RBFOX1: variants seen among roughly 807,000 people sequenced by gnomAD.
RBFOX1 encodes RNA binding protein fox-1 homolog 1.
RBFOX1 carries 8 observed loss-of-function variants against 57.7 expected under a neutral mutation model. The ratio of observed to expected loss-of-function variants is 0.14; its 90% confidence interval spans 0.08 to 0.25. RBFOX1 has a LOEUF of 0.25. RBFOX1 is among the 10% of genes least tolerant of loss of function. The probability of loss-of-function intolerance (pLI) is 1.00; values close to 1 mark genes in which losing one functional copy is unlikely to be tolerated. For synonymous variants in RBFOX1, 326 were observed against 222.4 expected (o/e 1.47, Z -4.15); for missense variants, 611 against 548.5 (o/e 1.11, Z -1.14).
At chr16:7,042,649 G>C (rs2046550081) in intron 3 of RBFOX1, among the ~76,000 whole-genome samples, 1 of 152,244 alleles carries the variant, frequency 6.6e-6, no homozygotes, top group African/African-American at 2.4e-5. Flanking sequence ...ATTAAGGCCA[G>C]GTGCAGTGGC....
intron 3 of RBFOX1, among the ~76,000 whole-genome samples, chr16:5,837,237 G>C (rs944512084): frequency 6.7e-6 from 1 of 149,692 alleles, no homozygotes; most frequent in Non-Finnish European, 1.5e-5. Context: ...TTCCAGTCCC[G>C]CTAGACTTTT....
At chr16:7,173,002 C>G (rs1194279034) in intron 4 of RBFOX1, among the ~76,000 whole-genome samples, 1 of 152,146 alleles carries the variant, frequency 6.6e-6, no homozygotes, top group Non-Finnish European at 1.5e-5. Context: ...CAAAGAAAAA[C>G]TACCACGTGT....
At chr16:7,588,660 G>A (rs571485483) in intron 7 of RBFOX1, among the ~76,000 whole-genome samples, 10 of 152,270 alleles carry the variant, frequency 6.6e-5, no homozygotes, top group Admixed American at 4.6e-4. Flanking sequence ...GAGGCAAGTC[G>A]GTATCACGGA....
chr16:6,036,166 G>C (rs2095362706), intron 1 of RBFOX1, among the ~76,000 whole-genome samples: 1 of 152,164 alleles, frequency 6.6e-6, no homozygotes, highest in African/African-American at 2.4e-5. Context: ...CCTCAGCAAA[G>C]AACATTGAGA....
intron 1 of RBFOX1, among the ~76,000 whole-genome samples, chr16:5,450,147 A>G (rs1241822918): frequency 2.0e-5 from 3 of 152,134 alleles, no homozygotes; most frequent in African/African-American, 7.2e-5. Context: ...GGCATGCCCA[A>G]AGTCTCTCTC....
chr16:7,483,062 C>T (rs2064421832), intron 4 of RBFOX1, among the ~76,000 whole-genome samples: 1 of 152,122 alleles, frequency 6.6e-6, no homozygotes, highest in Non-Finnish European at 1.5e-5. Context: ...AGGGAAGCCA[C>T]CCTCGTCACT....
chr16:6,480,286 G>A (rs915884386), intron 2 of RBFOX1, among the ~76,000 whole-genome samples: 3 of 152,198 alleles, frequency 2.0e-5, no homozygotes, highest in East Asian at 3.9e-4. Context: ...CAAGTTATAT[G>A]TATACATGTT....
chr16:6,249,775 T>TC (rs1425152432), intron 1 of RBFOX1, among the ~76,000 whole-genome samples: 3 of 150,976 alleles, frequency 2.0e-5, no homozygotes, highest in South Asian at 2.1e-4. Context: ...TTTTTTTCTT[T>TC]TTTTTTTTTT....
At chr16:6,825,227 A>G (rs1018965708) in intron 3 of RBFOX1, among the ~76,000 whole-genome samples, 6 of 149,494 alleles carry the variant, frequency 4.0e-5, no homozygotes, top group African/African-American at 1.5e-4. Context: ...TTAGCAATTA[A>G]CCTCACTGCC....
chr16:6,042,686 G>A (rs905566608), intron 1 of RBFOX1, among the ~76,000 whole-genome samples: 5 of 152,112 alleles, frequency 3.3e-5, no homozygotes, highest in Admixed American at 2.6e-4. Context: ...CTAAGAAAGC[G>A]TGTCTAAGAT....
chr16:7,155,698 CA>C lies in RBFOX1; in HGVS notation c.27+103615del, dbSNP rs1204208973. On this transcript the variant is annotated intron_variant, in intron 4 of 15. Transcript: ENST00000550418. ...TTGCCTTCCTCCCTTCTCCTCCCACCAAAAAAAAAAAAAAATATATATATAT... is the reference window on the plus strand; with the variant it reads ...TTGCCTTCCTCCCTTCTCCTCCCACCAAAAAAAAAAAAAATATATATATAT... 2.5e-4 allele frequency among the ~76,000 whole-genome samples: 6 copies of C among 24,414 alleles called. 1 individual carries two copies. Among genetic ancestry groups the C allele is most frequent in the African/African-American group, 9.8e-4 (3 of 3,052 alleles). The allele number at this position is 24,414 out of a possible 152,430, so 16.0% of individuals were successfully genotyped here.
At chr16:5,951,351 G>A (rs753410917) in intron 4 of RBFOX1, among the ~76,000 whole-genome samples, 1 of 152,076 alleles carries the variant, frequency 6.6e-6, no homozygotes, top group Non-Finnish European at 1.5e-5. Flanking sequence ...AAGAGGCTAA[G>A]GCAGGAGAAT....
chr16:6,433,598 T>C (rs1182198019), intron 2 of RBFOX1, among the ~76,000 whole-genome samples: 1 of 152,200 alleles, frequency 6.6e-6, no homozygotes, highest in Non-Finnish European at 1.5e-5. Flanking sequence ...TATGAACGTA[T>C]TATCCTCGGG....
At chr16:6,765,000 G>A (rs868704042) in intron 3 of RBFOX1, among the ~76,000 whole-genome samples, 2 of 151,776 alleles carry the variant, frequency 1.3e-5, no homozygotes, top group Middle Eastern at 6.8e-3. Flanking sequence ...GAATCATAAT[G>A]TGTGTGTTGG....
At chr16:6,558,602 G>A (rs1472390661) in intron 2 of RBFOX1, among the ~76,000 whole-genome samples, 1 of 151,966 alleles carries the variant, frequency 6.6e-6, no homozygotes, top group African/African-American at 2.4e-5. Context: ...TTTGTCCTGG[G>A]GATATGGCAG....
At chr16:6,289,828 T>C (rs945532844) in intron 1 of RBFOX1, among the ~76,000 whole-genome samples, 4 of 152,180 alleles carry the variant, frequency 2.6e-5, no homozygotes, top group South Asian at 2.1e-4. Flanking sequence ...AGAGAGCAAA[T>C]TGAATGAATA....
intron 3 of RBFOX1, among the ~76,000 whole-genome samples, chr16:6,831,215 T>C (rs1567456313): frequency 6.6e-6 from 1 of 152,228 alleles, no homozygotes; most frequent in Non-Finnish European, 1.5e-5. Flanking sequence ...AGCTTAGTCT[T>C]ACCTTAAACC....
intron 1 of RBFOX1, among the ~76,000 whole-genome samples, chr16:6,057,465 T>A (rs112288788): frequency 1.2e-4 from 18 of 152,254 alleles, no homozygotes; most frequent in African/African-American, 4.3e-4. Context: ...CAACCAATAT[T>A]TATTGAGGGC....
chr16:7,231,572 T>G (rs769643684), intron 4 of RBFOX1, among the ~76,000 whole-genome samples: 2 of 152,204 alleles, frequency 1.3e-5, no homozygotes, highest in African/African-American at 4.8e-5. Context: ...ACAGATTCAC[T>G]TGAATCCACA....
Sources: gnomAD v4.1 joint callset for allele counts (sites outside exome capture counted in the v4.1 genomes callset) on GRCh38, gnomAD v4.1.1 for gene constraint, MANE v1.5 for transcripts, NCBI Gene and HGNC (gene_info 2026-07-23, HGNC 2026-07-21) for gene names.